The following HAS1 variants were observed in gnomAD, a reference collection of about 807,000 sequenced individuals.
The protein encoded by HAS1 is HA synthase 1.
In HAS1, 27 loss-of-function variants were observed where a neutral mutation model predicts 35.0. The observed-to-expected ratio is 0.77, with a 90% CI of 0.57 to 1.06. HAS1 has a LOEUF of 1.06. HAS1 is among the 50% of genes least tolerant of loss of function. The pLI, the probability that HAS1 is intolerant of heterozygous loss-of-function variation, is 0.00. For synonymous variants in HAS1, 409 were observed against 371.2 expected, an observed-to-expected ratio of 1.10 and a Z score of -1.17; for missense variants, 940 against 814.8, an observed-to-expected ratio of 1.15 and a Z score of -1.87.
chr19:51,720,718 C>T (rs541767850), intron 1 of HAS1, among the ~76,000 whole-genome samples: 5 of 152,158 alleles, frequency 3.3e-5, no homozygotes, highest in African/African-American at 4.8e-5. Flanking sequence ...TCCAGTCTCC[C>T]AAAGTGCTAT....
intron 1 of HAS1, among the ~76,000 whole-genome samples, chr19:51,720,414 C>T (rs556072862): frequency 6.6e-6 from 1 of 152,278 alleles, no homozygotes; most frequent in Non-Finnish European, 1.5e-5. Flanking sequence ...CCTCGCCGGG[C>T]CCCAAAATTA....
Position 51,713,536 on chromosome 19 carries a change from G to A in HAS1, c.1625C>T (p.Ala542Val), listed in dbSNP as rs975764736. 4 of 1,592,766 alleles carry A rather than the reference G, an allele frequency of 2.5e-6. No homozygotes were observed. Among genetic ancestry groups the A allele is most frequent in the Admixed American group, 3.4e-5 (2 of 58,072 alleles). ...GTAGCCCACGTAGGCGCCGGCCCCC[G>A]CGGCCAAGTGGTAGGCCTCGGCTGC... ...SRAAEAYHLA[A>V]GAGAYVGYWV... The change falls in exon 5 of 5, where the codon GCG (alanine) becomes GTG (valine). Residue 542 changes from alanine to valine, a missense_variant. Coordinates refer to ENST00000540069, the MANE Select transcript of HAS1 (RefSeq NM_001297436.2). The surrounding 1 kb of genome is among the most constrained non-coding windows in gnomAD (Gnocchi z 4.5).
chr19:51,715,089 G>C (rs4802848), intron 4 of HAS1, among the ~76,000 whole-genome samples: 107,930 of 151,342 alleles, frequency 0.71, 38,910 homozygotes, highest in East Asian at 0.87. Flanking sequence ...CCACACAAGA[G>C]GAGAATCCTG....
chr19:51,720,353 T>G (rs1003815312), intron 1 of HAS1, among the ~76,000 whole-genome samples: 1 of 152,082 alleles, frequency 6.6e-6, no homozygotes, highest in African/African-American at 2.4e-5. Flanking sequence ...TGGGCTCAAG[T>G]GACTTGCCTG....
chr19:51,717,151 C>G lies in HAS1; in HGVS notation c.742G>C (p.Glu248Gln). The change falls in exon 3 of 5, where the codon GAG becomes CAG. Residue 248 changes from glutamate to glutamine, a missense_variant. By Grantham distance (29) the Glu-to-Gln change is conservative (BLOSUM62 2). Coordinates refer to ENST00000540069, the MANE Select transcript of HAS1 (RefSeq NM_001297436.2). ...TCCTCGTCCAGTACCCGCACGAGCT[C>G]CAGCAGTGCCATGGGGTCCAACCTT... is the stretch of plus-strand genomic sequence containing the variant. ...DTRLDPMALL[E>Q]LVRVLDEDPR... 6.2e-7 allele frequency: 1 copy of G among 1,613,852 alleles called. No individual in the cohort carries two copies.
Position 51,713,154 on chromosome 19 carries a change from G to C in HAS1, c.*273C>G. 4.9e-6 allele frequency: 2 copies of C among 407,340 alleles called. No individual in the cohort carries two copies. The highest frequency in any genetic ancestry group is 8.6e-6 in the Non-Finnish European group (2 of 232,514). The allele number at this position is 407,340 out of a possible 1,614,324, so 25.2% of individuals were successfully genotyped here. A position where few individuals can be genotyped will look rare whatever the true frequency, so the allele number is the denominator to read the frequency against. On this transcript the variant is annotated 3_prime_UTR_variant, in exon 5 of 5. Transcript: ENST00000540069. This position sits in a 1 kb window ranked among gnomAD's most constrained non-coding sequence, Gnocchi z 4.5. The stretch of plus-strand genomic sequence containing the variant: ...TTTATTACATCCTGATCACACAGTA[G>C]AAATGGAGATTAAATAAGAACGAGG...
intron 1 of HAS1, among the ~76,000 whole-genome samples, chr19:51,723,041 T>C (rs1256399963): frequency 1.3e-5 from 2 of 152,208 alleles, no homozygotes; most frequent in Non-Finnish European, 1.5e-5. Context: ...GCTTCAAACC[T>C]GGCCTTGCCT....
intron 1 of HAS1, 33 bp from the exon 2 acceptor site, chr19:51,719,928 T>C: frequency 1.4e-6 from 2 of 1,420,866 alleles, no homozygotes; most frequent in Non-Finnish European, 1.9e-6. Context: ...GGAAGGGGCA[T>C]GAGTCCCGGG....
At chr19:51,715,511 CTTAT>C (rs1345752627) in intron 4 of HAS1, among the ~76,000 whole-genome samples, 2 of 152,156 alleles carry the variant, frequency 1.3e-5, no homozygotes, top group African/African-American at 2.4e-5. Flanking sequence ...GTATGTTCTA[CTTAT>C]TTATTTCTTG....
At chr19:51,721,664 G>A (rs889087467) in intron 1 of HAS1, among the ~76,000 whole-genome samples, 1 of 152,058 alleles carries the variant, frequency 6.6e-6, no homozygotes, top group South Asian at 2.1e-4. Context: ...TCCTCAGAAG[G>A]CTAAGGCAGG....
chr19:51,720,634 A>G (rs2083625239), intron 1 of HAS1, among the ~76,000 whole-genome samples: 1 of 151,690 alleles, frequency 6.6e-6, no homozygotes, highest in African/African-American at 2.4e-5. Context: ...CTAGGACCAC[A>G]AGGCTGGAGT....
chr19:51,716,124 C>G (rs2083584413), intron 4 of HAS1, 132 bp downstream of exon 4: 1 of 799,640 alleles, frequency 1.3e-6, no homozygotes. Flanking sequence ...CTCCTCTCTC[C>G]TCTAAAGTCT....
intron 1 of HAS1, 44 bp downstream of exon 1, chr19:51,723,881 G>GTA (rs1228958669): frequency 7.8e-6 from 5 of 640,422 alleles, no homozygotes; most frequent in Non-Finnish European, 1.0e-5. Context: ...CCACATGGCT[G>GTA]TATACACACA....
chr19:51,719,278 C>T lies in HAS1; in HGVS notation c.627G>A (p.Gln209=). 2 of 1,611,528 alleles carry T rather than the reference C, an allele frequency of 1.2e-6. No homozygotes were observed. Among genetic ancestry groups the T allele is most frequent in the Non-Finnish European group, 1.7e-6 (2 of 1,179,080 alleles). ...VRTRRCVCVA[Q]RWGGKREVMY... is the part of the protein sequence containing the mutation. ...TGACCTCGCGCTTGCCGCCCCAGCG[C>T]TGCGCCACGCACACGCACCTGCGAG... is the stretch of plus-strand genomic sequence containing the variant. Residue 209 remains glutamine, a synonymous_variant, in exon 2 of 5, where the codon CAG becomes CAA. Transcript: ENST00000540069.
rs1456263630 is a variant in HAS1 at position 51,719,898 on chromosome 19, G to A, written c.10-3C>T. ...GCAGGAGTGGGCTTGGGCGCGTCCT[G>A]CTGGGAGCGAGAGGGGAAAGGAAGG... On this transcript the variant is annotated splice_region_variant and splice_polypyrimidine_tract_variant and intron_variant, in intron 1 of 4. Coordinates refer to ENST00000540069, the MANE Select transcript of HAS1 (RefSeq NM_001297436.2). 12 of 1,527,992 alleles carry A rather than the reference G, an allele frequency of 7.9e-6. No individual in the cohort carries two copies. The highest frequency in any genetic ancestry group is 1.1e-5 in the Non-Finnish European group (12 of 1,141,984). The allele number at this position is 1,527,992 out of a possible 1,614,324, so 94.7% of individuals were successfully genotyped here. A position where few individuals can be genotyped will look rare whatever the true frequency, so the allele number is the denominator to read the frequency against.
At chr19:51,714,372 A>AAATAAATAAATAAAT (rs2083569990) in intron 4 of HAS1, among the ~76,000 whole-genome samples, 2 of 101,572 alleles carry the variant, frequency 2.0e-5, no homozygotes, top group Admixed American at 8.4e-5. Context: ...CATCTCTACT[A>AAATAAATAAATAAAT]AATAAATAAA....
At chr19:51,723,604 T>A (rs2083645573) in intron 1 of HAS1, among the ~76,000 whole-genome samples, 1 of 152,082 alleles carries the variant, frequency 6.6e-6, no homozygotes, top group South Asian at 2.1e-4. Flanking sequence ...ACTCCCTCTT[T>A]CTCTCTGCCT....
intron 1 of HAS1, among the ~76,000 whole-genome samples, chr19:51,720,183 G>C: frequency 6.6e-6 from 1 of 151,114 alleles, no homozygotes; most frequent in Admixed American, 6.6e-5. Context: ...CGCCATCTAG[G>C]CTCACTGCAG....
At position 51,713,537 on chromosome 19, in the gene HAS1, C is replaced by A. The variant is rs1026932420; in HGVS notation, c.1624G>T (p.Ala542Ser). 2 of 1,592,942 alleles carry A rather than the reference C, an allele frequency of 1.3e-6. No individual in the cohort carries two copies. Among genetic ancestry groups the A allele is most frequent in the Admixed American group, 3.4e-5 (2 of 58,090 alleles). ...TAGCCCACGTAGGCGCCGGCCCCCG[C>A]GGCCAAGTGGTAGGCCTCGGCTGCG... ...SRAAEAYHLA[A>S]GAGAYVGYWV... The change falls in exon 5 of 5, where the codon GCG becomes TCG. Residue 542 changes from alanine (A) to serine (S), a missense_variant. Coordinates refer to ENST00000540069, the MANE Select transcript of HAS1 (RefSeq NM_001297436.2). This position sits in a 1 kb window ranked among gnomAD's most constrained non-coding sequence, Gnocchi z 4.5.
Sources: allele counts gnomAD v4.1 joint callset (sites outside exome capture counted in the v4.1 genomes callset), GRCh38; gene constraint gnomAD v4.1.1; non-coding constraint Gnocchi (gnomAD v3.1); transcripts MANE v1.5; gene names NCBI Gene and HGNC (gene_info 2026-07-23, HGNC 2026-07-21).